Variants in ARHGAP26 observed in about 807,000 individuals in gnomAD.
ARHGAP26 encodes Rho GTPase activating protein 26, also known as rho GTPase-activating protein 26.
Under a neutral mutation model 104.8 loss-of-function variants are expected in ARHGAP26, and 38 were observed. That is an observed-to-expected ratio of 0.36 (90% confidence interval 0.28 to 0.48). The LOEUF (loss-of-function observed/expected upper bound fraction) is 0.48, where lower values mean the gene tolerates loss of function less well. Ranked by LOEUF, ARHGAP26 falls within the 20% of genes least tolerant of loss-of-function variation. ARHGAP26 has a pLI of 0.99. For missense variants in ARHGAP26, 704 were observed against 947.9 expected, an observed-to-expected ratio of 0.74 and a Z score of 3.38; for synonymous variants, 341 against 340.0, an observed-to-expected ratio of 1.00 and a Z score of -0.03.
intron 17 of ARHGAP26, among the ~76,000 whole-genome samples, chr5:143,097,271 G>T (rs896528003): frequency 6.6e-6 from 1 of 151,418 alleles, no homozygotes. Flanking sequence ...CTTGAACCTG[G>T]GACGTGGAGG....
chr5:143,210,830 G>C (rs924101757), intron 21 of ARHGAP26, among the ~76,000 whole-genome samples: 1 of 152,134 alleles, frequency 6.6e-6, no homozygotes. Context: ...AAATTAAAAG[G>C]GAACTAGCAG....
intron 17 of ARHGAP26, among the ~76,000 whole-genome samples, chr5:143,066,878 G>A (rs1787569134): frequency 6.6e-6 from 1 of 152,164 alleles, no homozygotes; most frequent in Admixed American, 6.5e-5. Context: ...GTTCATATCT[G>A]GTTTCAGGTC....
intron 1 of ARHGAP26, among the ~76,000 whole-genome samples, chr5:142,789,169 TG>T (rs1759275087): frequency 6.6e-6 from 1 of 152,206 alleles, no homozygotes; most frequent in African/African-American, 2.4e-5. Flanking sequence ...AAGAGTTAAA[TG>T]GGGTAGCACG....
intron 16 of ARHGAP26, 83 bp from the exon 17 acceptor site, chr5:143,057,559 C>T (rs1321594711): frequency 7.2e-6 from 8 of 1,107,290 alleles, no homozygotes; most frequent in Admixed American, 3.9e-5. Flanking sequence ...TAGTGCTCAT[C>T]CTTTGGTTTC....
intron 4 of ARHGAP26, 33 bp from the exon 5 acceptor site, chr5:142,885,265 T>C (rs1192332759): frequency 6.3e-7 from 1 of 1,581,212 alleles, no homozygotes; most frequent in African/African-American, 1.3e-5. Flanking sequence ...AACGTGTTAC[T>C]CTTTTTCTTT....
chr5:143,044,648 T>C (rs915023425), intron 14 of ARHGAP26, among the ~76,000 whole-genome samples: 1 of 152,206 alleles, frequency 6.6e-6, no homozygotes, highest in African/African-American at 2.4e-5. Context: ...GGATTATTGA[T>C]AGGAAGATGG....
chr5:142,930,719 G>A (rs189092136), intron 10 of ARHGAP26, among the ~76,000 whole-genome samples: 1 of 152,038 alleles, frequency 6.6e-6, no homozygotes, highest in East Asian at 1.9e-4. Context: ...CCTACCCCAT[G>A]CCCCTTGTAT....
chr5:143,150,018 A>G (rs1799623289), intron 20 of ARHGAP26, among the ~76,000 whole-genome samples: 1 of 152,210 alleles, frequency 6.6e-6, no homozygotes, highest in Admixed American at 6.5e-5. Flanking sequence ...CTAATTCTCC[A>G]AGGACATCAG....
At chr5:143,181,368 C>G (rs771234127) in intron 20 of ARHGAP26, among the ~76,000 whole-genome samples, 5 of 152,218 alleles carry the variant, frequency 3.3e-5, no homozygotes, top group Non-Finnish European at 7.3e-5. Flanking sequence ...GCCCTGTTTC[C>G]TCTCATCTCT....
chr5:143,115,374 C>T (rs901905303), intron 17 of ARHGAP26, among the ~76,000 whole-genome samples: 4 of 151,484 alleles, frequency 2.6e-5, no homozygotes, highest in Non-Finnish European at 5.9e-5. Flanking sequence ...AAAGAAAAGA[C>T]GTACTATTAT....
chr5:142,957,598 A>G (rs1435428895), intron 11 of ARHGAP26, among the ~76,000 whole-genome samples: 2 of 152,142 alleles, frequency 1.3e-5, no homozygotes, highest in Admixed American at 6.5e-5. Context: ...CCTCCTCCCT[A>G]TGGAGAGTCT....
chr5:142,903,928 C>G (rs1760725415), intron 8 of ARHGAP26, among the ~76,000 whole-genome samples: 2 of 152,136 alleles, frequency 1.3e-5, no homozygotes, highest in South Asian at 4.2e-4. Flanking sequence ...TAATGTTACT[C>G]TACTCTTGGG....
rs190314614 is a variant in ARHGAP26, at chr5:142,925,024, G to T, written c.1029-7023G>T. Among the ~76,000 whole-genome samples, 3 of 152,354 alleles carry T rather than the reference G, an allele frequency of 2.0e-5. No individual in the cohort carries two copies. In the East Asian group the frequency reaches 5.8e-4, roughly 29 times the overall value. Reference sequence around the variant, plus strand: ...GAGGAAGACACAGACAACAGAAGTTGCAAACTGGTGGTCCACAGACATGCT... The same window carrying T: ...GAGGAAGACACAGACAACAGAAGTTTCAAACTGGTGGTCCACAGACATGCT... On this transcript the variant is annotated intron_variant, in intron 10 of 22. Coordinates refer to ENST00000645722, the MANE Select transcript of ARHGAP26 (RefSeq NM_001135608.3).
chr5:142,806,751 A>C (rs750991739), intron 1 of ARHGAP26, among the ~76,000 whole-genome samples: 2 of 152,220 alleles, frequency 1.3e-5, no homozygotes, highest in Non-Finnish European at 2.9e-5. Flanking sequence ...CTGTGTTAAT[A>C]TATGCAGTTG....
intron 10 of ARHGAP26, among the ~76,000 whole-genome samples, chr5:142,928,362 G>A (rs569352933): frequency 4.7e-4 from 71 of 151,930 alleles, no homozygotes; most frequent in Non-Finnish European, 8.8e-4. Context: ...TTCTTGTTTT[G>A]GATTAGCTCG....
At chr5:143,068,031 G>A (rs1787755924) in intron 17 of ARHGAP26, among the ~76,000 whole-genome samples, 1 of 152,122 alleles carries the variant, frequency 6.6e-6, no homozygotes, top group African/African-American at 2.4e-5. Flanking sequence ...GGGTGTGGTG[G>A]CATTTGCCTG....
At chr5:142,898,421 C>T (rs919484773) in intron 6 of ARHGAP26, among the ~76,000 whole-genome samples, 1 of 152,142 alleles carries the variant, frequency 6.6e-6, no homozygotes, top group African/African-American at 2.4e-5. Context: ...ACTCATTCTC[C>T]ATGTTCATTA....
At chr5:143,207,766 A>G (rs1445198572) in intron 21 of ARHGAP26, among the ~76,000 whole-genome samples, 1 of 152,236 alleles carries the variant, frequency 6.6e-6, no homozygotes, top group Non-Finnish European at 1.5e-5. Context: ...AGATAACATA[A>G]GAGGAAACAG....
At chr5:142,780,265 T>A (rs1757231438) in intron 1 of ARHGAP26, among the ~76,000 whole-genome samples, 1 of 152,216 alleles carries the variant, frequency 6.6e-6, no homozygotes, top group Non-Finnish European at 1.5e-5. Context: ...TAATAAACAT[T>A]TAGATTATTT....
Sources: gnomAD v4.1 joint callset for allele counts (sites outside exome capture counted in the v4.1 genomes callset) on GRCh38, gnomAD v4.1.1 for gene constraint, MANE v1.5 for transcripts, NCBI Gene and HGNC (gene_info 2026-07-23, HGNC 2026-07-21) for gene names.